SOX5: variants seen among roughly 807,000 people sequenced by gnomAD.
SOX5 encodes SRY-box transcription factor 5, also known as transcription factor SOX-5.
A neutral mutation model predicts 92.0 loss-of-function variants in SOX5; 9 were observed. The ratio of observed to expected loss-of-function variants is 0.10; its 90% CI spans 0.06 to 0.17. The LOEUF is 0.17. Ranked by LOEUF, SOX5 falls within the 10% of genes least tolerant of loss-of-function variation. The probability of loss-of-function intolerance (pLI) is 1.00; values close to 1 mark genes in which losing one functional copy is unlikely to be tolerated. For synonymous variants in SOX5, 344 were observed against 336.3 expected, an observed-to-expected ratio of 1.02 and a Z score of -0.25; for missense variants, 642 against 944.5, an observed-to-expected ratio of 0.68 and a Z score of 4.20.
intron 1 of SOX5, among the ~76,000 whole-genome samples, chr12:24,446,839 A>G (rs1046788937): frequency 6.6e-6 from 1 of 152,260 alleles, no homozygotes; most frequent in Non-Finnish European, 1.5e-5. Flanking sequence ...AGTGAGCAGC[A>G]GCACAGAGTG....
At chr12:24,270,183 C>A in intron 3 of SOX5, among the ~76,000 whole-genome samples, 1 of 152,030 alleles carries the variant, frequency 6.6e-6, no homozygotes, top group East Asian at 1.9e-4. Flanking sequence ...GCCTTAGCCT[C>A]CCGAGTGGCT....
intron 1 of SOX5, among the ~76,000 whole-genome samples, chr12:24,374,773 T>C (rs749317537): frequency 1.3e-5 from 2 of 152,056 alleles, no homozygotes; most frequent in Admixed American, 6.6e-5. Context: ...CATGAATAAA[T>C]GTGACAGCCC....
intron 4 of SOX5, among the ~76,000 whole-genome samples, chr12:23,986,359 A>C (rs546224925): frequency 1.8e-4 from 28 of 152,284 alleles, no homozygotes; most frequent in Admixed American, 6.5e-4. Flanking sequence ...AACAAACAAA[A>C]AAAAACTATC....
chr12:24,410,240 C>T (rs911740978), intron 1 of SOX5, among the ~76,000 whole-genome samples: 10 of 152,122 alleles, frequency 6.6e-5, no homozygotes, highest in Admixed American at 1.3e-4. Flanking sequence ...TCAATTGATC[C>T]GCTTGCCTCG....
chr12:24,185,188 T>A lies in SOX5; in HGVS notation c.-2+28155A>T, dbSNP rs1955891974. 2.0e-5 allele frequency among the ~76,000 whole-genome samples: 3 copies of A among 152,252 alleles called. No individual in the cohort carries two copies. The South Asian group carries it at 6.2e-4, about 32-fold the overall frequency. On this transcript the variant is annotated intron_variant, in intron 4 of 4. Transcript: ENST00000446891. ...ATATATTACCATCCTTATTGAAAACTCTTCTGTATGCTTACAGAGGGATCT... is the reference window on the plus strand; with the variant it reads ...ATATATTACCATCCTTATTGAAAACACTTCTGTATGCTTACAGAGGGATCT...
At chr12:23,943,793 G>A (rs1944084309) in intron 1 of SOX5, among the ~76,000 whole-genome samples, 1 of 152,060 alleles carries the variant, frequency 6.6e-6, no homozygotes, top group Non-Finnish European at 1.5e-5. Context: ...ACATCTACAA[G>A]CTTTTGTTTT....
At chr12:23,753,429 G>A (rs1295154083) in intron 4 of SOX5, among the ~76,000 whole-genome samples, 1 of 151,552 alleles carries the variant, frequency 6.6e-6, no homozygotes, top group Non-Finnish European at 1.5e-5. Context: ...ATAAATGGAG[G>A]AGAAAAGTTT....
At chr12:24,220,075 T>C (rs1960040818) in intron 3 of SOX5, among the ~76,000 whole-genome samples, 1 of 152,042 alleles carries the variant, frequency 6.6e-6, no homozygotes, top group Non-Finnish European at 1.5e-5. Flanking sequence ...GTTAAGTAGA[T>C]TAATCAGACA....
chr12:23,541,192 C>G (rs1249466571), intron 13 of SOX5, among the ~76,000 whole-genome samples: 1 of 152,086 alleles, frequency 6.6e-6, no homozygotes, highest in African/African-American at 2.4e-5. Context: ...ATCTCTTTTC[C>G]ATAGATACTT....
At chr12:23,858,027 C>A (rs2096713255) in intron 2 of SOX5, among the ~76,000 whole-genome samples, 1 of 152,062 alleles carries the variant, frequency 6.6e-6, no homozygotes, top group African/African-American at 2.4e-5. Context: ...AGCCACCATT[C>A]CCGGCCAAGA....
At chr12:23,815,391 CCAA>C (rs998886381) in intron 3 of SOX5, among the ~76,000 whole-genome samples, 5 of 152,066 alleles carry the variant, frequency 3.3e-5, no homozygotes, top group Non-Finnish European at 7.4e-5. Context: ...TTCCGATGTA[CCAA>C]CAACAACCTT....
chr12:23,980,125 G>T (rs1949433418), intron 4 of SOX5, among the ~76,000 whole-genome samples: 1 of 152,138 alleles, frequency 6.6e-6, no homozygotes, highest in Non-Finnish European at 1.5e-5. Context: ...TGGCCATAAT[G>T]AGTTTTTTTA....
chr12:23,542,810 G>C (rs189248059), intron 13 of SOX5, among the ~76,000 whole-genome samples: 1 of 152,294 alleles, frequency 6.6e-6, no homozygotes, highest in East Asian at 1.9e-4. Flanking sequence ...TTCTGTTACA[G>C]AGGATGATGA....
intron 4 of SOX5, among the ~76,000 whole-genome samples, chr12:24,089,773 T>G (rs1181665132): frequency 2.6e-5 from 4 of 152,146 alleles, no homozygotes; most frequent in African/African-American, 9.7e-5. Context: ...GAGACCTGAA[T>G]AGTTAAAGTA....
rs558124060 is a variant in SOX5, at chr12:23,876,709, G to T, written c.270+19084C>A. Among the ~76,000 whole-genome samples, 32 of 152,224 alleles carry T rather than the reference G, an allele frequency of 2.1e-4. 1 individual carries two copies. The South Asian group carries it at 6.6e-3, about 32-fold the overall frequency. On this transcript the variant is annotated intron_variant, in intron 2 of 14. Coordinates refer to ENST00000451604, the MANE Select transcript of SOX5 (RefSeq NM_006940.6). The stretch of plus-strand genomic sequence containing the variant: ...CACATGCACACTTATGTTTATTGCA[G>T]CACTATTCACAATAACAAAGACTTG...
intron 4 of SOX5, among the ~76,000 whole-genome samples, chr12:24,044,163 G>T (rs939908337): frequency 3.9e-5 from 6 of 152,168 alleles, no homozygotes; most frequent in African/African-American, 1.4e-4. Context: ...TGATTTATAT[G>T]TATACGCAAA....
chr12:23,644,475 T>A (rs1445182825), intron 7 of SOX5, among the ~76,000 whole-genome samples: 1 of 152,202 alleles, frequency 6.6e-6, no homozygotes, highest in Non-Finnish European at 1.5e-5. Context: ...AATTTAAATT[T>A]TAACAAGAGC....
intron 6 of SOX5, among the ~76,000 whole-genome samples, chr12:23,692,215 C>G (rs1255736801): frequency 2.0e-5 from 3 of 151,816 alleles, no homozygotes; most frequent in East Asian, 3.9e-4. Context: ...GGCGGATCAC[C>G]TGAGGTCAGG....
intron 4 of SOX5, among the ~76,000 whole-genome samples, chr12:24,186,696 GC>G (rs1207969041): frequency 1.3e-5 from 2 of 151,858 alleles, no homozygotes; most frequent in Non-Finnish European, 2.9e-5. Flanking sequence ...AAAAAAGTAG[GC>G]TCTAAAACTA....
Sources: gnomAD v4.1 joint callset for allele counts (sites outside exome capture counted in the v4.1 genomes callset) on GRCh38, gnomAD v4.1.1 for gene constraint, MANE v1.5 for transcripts, NCBI Gene and HGNC (gene_info 2026-07-23, HGNC 2026-07-21) for gene names.